Variants in PTPRN2 observed in about 807,000 individuals in gnomAD.
PTPRN2 encodes receptor-type tyrosine-protein phosphatase N2.
PTPRN2 carries 74 observed loss-of-function variants against 118.8 expected under a neutral mutation model. That is an observed-to-expected ratio of 0.62 (90% CI 0.52 to 0.76). PTPRN2 has a LOEUF of 0.76. Among genes scored for constraint, PTPRN2 ranks in the 30% least tolerant of loss-of-function variants. The pLI is 0.00. For missense variants in PTPRN2, 1,481 were observed against 1,394.4 expected (o/e 1.06, Z -0.99); for synonymous variants, 641 against 608.0 (o/e 1.05, Z -0.80).
intron 12 of PTPRN2, among the ~76,000 whole-genome samples, chr7:157,772,090 A>C (rs1282755110): frequency 1.3e-5 from 2 of 149,532 alleles, no homozygotes; most frequent in African/African-American, 4.9e-5. Flanking sequence ...CACAGACACA[A>C]ACACACACAT....
chr7:158,226,828 C>T (rs1349550624), intron 3 of PTPRN2, among the ~76,000 whole-genome samples: 3 of 152,072 alleles, frequency 2.0e-5, no homozygotes, highest in Non-Finnish European at 2.9e-5. Flanking sequence ...TCTCTTCTGT[C>T]TCACTTTTTA....
At chr7:158,327,879 G>T (rs549975366) in intron 2 of PTPRN2, among the ~76,000 whole-genome samples, 1 of 152,198 alleles carries the variant, frequency 6.6e-6, no homozygotes, top group Admixed American at 6.5e-5. Context: ...GGTCCCATGG[G>T]GCTTCTCAAA....
At chr7:158,572,648 G>GAGA (rs1828108987) in intron 1 of PTPRN2, among the ~76,000 whole-genome samples, 1 of 152,142 alleles carries the variant, frequency 6.6e-6, no homozygotes, top group East Asian at 1.9e-4. Context: ...CTGGGTCTCT[G>GAGA]CCCTCTGACT....
intron 11 of PTPRN2, among the ~76,000 whole-genome samples, chr7:157,982,264 TA>T (rs1803290929): frequency 2.6e-5 from 1 of 37,946 alleles, no homozygotes; most frequent in East Asian, 9.5e-4. Flanking sequence ...CCCCGAGTCA[TA>T]GAGCCAAGGA....
At chr7:157,595,205 CAGAA>C in intron 17 of PTPRN2, 29 bp downstream of exon 17, 1 of 1,602,640 alleles carries the variant, frequency 6.2e-7, no homozygotes. Context: ...ATCTTCTTTT[CAGAA>C]AGAGAGATTT....
At chr7:158,143,763 T>G (rs1819614922) in intron 6 of PTPRN2, among the ~76,000 whole-genome samples, 1 of 152,106 alleles carries the variant, frequency 6.6e-6, no homozygotes, top group Non-Finnish European at 1.5e-5. Flanking sequence ...GGCCTCCAAG[T>G]GTGGTAGAAC....
chr7:158,151,095 C>T (rs1175236330), intron 6 of PTPRN2, among the ~76,000 whole-genome samples: 469 of 42,762 alleles, frequency 0.011, 69 homozygotes, highest in African/African-American at 0.039. Flanking sequence ...CTGCCCAAAC[C>T]GCCCGCCTTT....
At chr7:158,466,016 T>A (rs797004847) in intron 2 of PTPRN2, among the ~76,000 whole-genome samples, 1 of 152,208 alleles carries the variant, frequency 6.6e-6, no homozygotes, top group Non-Finnish European at 1.5e-5. Context: ...AGTAATAAAA[T>A]GGACATCCTT....
rs182535479 is a variant in PTPRN2, at chr7:157,593,809, G to A, written c.2496+1429C>T. ...GAAAGGCATGTTCTCACCGGGCTGGGCGACTCCCCAGCTGTGACAAGTAGG... is the reference window on the plus strand; with the variant it reads ...GAAAGGCATGTTCTCACCGGGCTGGACGACTCCCCAGCTGTGACAAGTAGG... On this transcript the variant is annotated intron_variant, in intron 17 of 22. Transcript: ENST00000389418. 3.9e-5 allele frequency among the ~76,000 whole-genome samples: 6 copies of A among 152,340 alleles called. No homozygotes were observed. The East Asian group carries it at 1.2e-3, about 29-fold the overall frequency.
At chr7:158,523,658 T>TCTGCCCTGGAGC (rs1194603992) in intron 1 of PTPRN2, among the ~76,000 whole-genome samples, 17 of 24,404 alleles carry the variant, frequency 7.0e-4, no homozygotes, top group East Asian at 1.6e-3. Flanking sequence ...TGCCCTGGAG[T>TCTGCCCTGGAGC]GGAGTCGTCT....
At chr7:157,798,399 A>T (rs896203243) in intron 12 of PTPRN2, among the ~76,000 whole-genome samples, 2 of 152,196 alleles carry the variant, frequency 1.3e-5, no homozygotes. Flanking sequence ...CCCATGCTAA[A>T]TATTTTGTCA....
At chr7:157,984,951 TC>T (rs1182181767) in intron 11 of PTPRN2, among the ~76,000 whole-genome samples, 1 of 152,120 alleles carries the variant, frequency 6.6e-6, no homozygotes, top group African/African-American at 2.4e-5. Flanking sequence ...CCCGTGCTGC[TC>T]CCCACCCGGT....
chr7:158,374,686 C>T (rs1044796503), intron 2 of PTPRN2, among the ~76,000 whole-genome samples: 1 of 152,150 alleles, frequency 6.6e-6, no homozygotes, highest in African/African-American at 2.4e-5. Context: ...CAGATGGAGG[C>T]TGGAGGCAGA....
At chr7:158,008,957 CT>C (rs887737025) in intron 11 of PTPRN2, among the ~76,000 whole-genome samples, 1 of 152,162 alleles carries the variant, frequency 6.6e-6, no homozygotes, top group Non-Finnish European at 1.5e-5. Flanking sequence ...AGGCTTTCTC[CT>C]TTCACCTTTG....
chr7:158,540,511 C>T (rs1041189458), intron 1 of PTPRN2, among the ~76,000 whole-genome samples: 1 of 152,148 alleles, frequency 6.6e-6, no homozygotes, highest in East Asian at 1.9e-4. Flanking sequence ...CCCACCTGTG[C>T]TCCATGGGAG....
chr7:158,167,227 G>C lies in PTPRN2; in HGVS notation c.614C>G (p.Pro205Arg). The change falls in exon 6 of 23, where the codon CCT (proline) becomes CGT (arginine). Residue 205 changes from proline (P) to arginine (R), a missense_variant. By Grantham distance (103) the Pro-to-Arg change is moderately radical. This residue lies in a region of PTPRN2 where 1,115 missense variants were observed against 994.2 expected (regional missense o/e 1.12). Transcript: ENST00000389418. The part of the protein sequence containing the change: ...YVAHTSALTY[P>R]PGSRTQLRED... ...GCGGAGCTGGGTCCGGGACCCGGGA[G>C]GGTAGGTCAGCGCAGACGTGTGGGC... 6.2e-7 allele frequency: 1 copy of C among 1,613,432 alleles called. No individual in the cohort carries two copies. The highest frequency in any genetic ancestry group is 8.5e-7 in the Non-Finnish European group (1 of 1,179,878).
intron 12 of PTPRN2, among the ~76,000 whole-genome samples, chr7:157,878,762 G>A (rs1256163310): frequency 9.2e-4 from 89 of 96,518 alleles, no homozygotes; most frequent in East Asian, 7.4e-3. Flanking sequence ...GTGTGATACC[G>A]TGCACCCACA....
chr7:158,452,199 C>T (rs908897149), intron 2 of PTPRN2, among the ~76,000 whole-genome samples: 14 of 108,478 alleles, frequency 1.3e-4, no homozygotes, highest in African/African-American at 4.5e-4. Flanking sequence ...ACGCCCCACA[C>T]ACAACTTTCT....
intron 2 of PTPRN2, among the ~76,000 whole-genome samples, chr7:158,402,765 G>C (rs1813049932): frequency 6.6e-6 from 1 of 152,184 alleles, no homozygotes. Context: ...TGGCCAGGCA[G>C]GGTGGTGTCA....
Sources: gnomAD v4.1 joint callset for allele counts (sites outside exome capture counted in the v4.1 genomes callset) on GRCh38, gnomAD v4.1.1 for gene constraint, gnomAD v4.1.1 regional missense constraint, MANE v1.5 for transcripts, NCBI Gene and HGNC (gene_info 2026-07-23, HGNC 2026-07-21) for gene names.